Variants in EML4 observed in about 807,000 individuals in gnomAD.
The protein encoded by EML4 is echinoderm microtubule-associated protein-like 4.
In EML4, 72 loss-of-function variants were observed where a neutral mutation model predicts 129.0. The observed-to-expected ratio is 0.56, with a 90% CI of 0.46 to 0.68. The LOEUF is 0.68. Ranked by LOEUF, EML4 falls within the 30% of genes least tolerant of loss-of-function variation. The pLI, the probability that EML4 is intolerant of heterozygous loss-of-function variation, is 0.00. For missense variants in EML4, 1,363 were observed against 1,190.6 expected (o/e 1.14, Z -2.13); for synonymous variants, 532 against 405.0 (o/e 1.31, Z -3.77).
In EML4 at chr2:42,303,235, C is replaced by T. The variant is rs1668393052; in HGVS notation, c.1767+6C>T. On this transcript the variant is annotated splice_donor_region_variant and intron_variant, in intron 15 of 22. Transcript: ENST00000318522. ...GCTTCCAAATAGAAGTACAGGTAAG[C>T]TGTGTGATATTAACCGTTAACTGAA... 6.2e-7 allele frequency: 1 copy of T among 1,614,068 alleles called. No homozygotes were observed. Among genetic ancestry groups the T allele is most frequent in the South Asian group, 1.1e-5 (1 of 91,072 alleles).
intron 1 of EML4, among the ~76,000 whole-genome samples, chr2:42,203,637 C>A (rs1372313090): frequency 1.0e-5 from 1 of 97,620 alleles, no homozygotes; most frequent in Non-Finnish European, 2.1e-5. Flanking sequence ...TTTATAGCCA[C>A]CCCTTTTTTT....
Position 42,329,912 on chromosome 2 carries a change from C to T in EML4, c.2651C>T (p.Ala884Val), listed in dbSNP as rs758964968. ...GTAGCGGATACTACTCTAACCAAAG[C>T]CCCCGTCTCTTCCACTGAAAGTGTC... is the stretch of plus-strand genomic sequence containing the variant. ...ETVADTTLTK[A>V]PVSSTESVIQ... Residue 884 changes from alanine to valine, a missense_variant, in exon 23 of 23, where the codon GCC (alanine) becomes GTC (valine). By Grantham distance (64) the Ala-to-Val change is moderately conservative. Coordinates refer to ENST00000318522, the MANE Select transcript of EML4 (RefSeq NM_019063.5). The T allele has an allele frequency of 2.5e-6, 4 of 1,613,978 alleles. No individual in the cohort carries two copies. Among genetic ancestry groups the T allele is most frequent in the South Asian group, 1.1e-5 (1 of 91,064 alleles).
chr2:42,226,731 A>T (rs1051832412), intron 1 of EML4, among the ~76,000 whole-genome samples: 1 of 152,110 alleles, frequency 6.6e-6, no homozygotes, highest in Admixed American at 6.5e-5. Flanking sequence ...TAGATTTTTA[A>T]ATGTTCTTTC....
At chr2:42,256,295 C>T (rs1383705597) in intron 2 of EML4, among the ~76,000 whole-genome samples, 1 of 152,112 alleles carries the variant, frequency 6.6e-6, no homozygotes, top group East Asian at 1.9e-4. Flanking sequence ...TATGGCTTTC[C>T]TATAGGTCTG....
chr2:42,182,932 C>T (rs929891316), intron 1 of EML4, among the ~76,000 whole-genome samples: 9 of 152,104 alleles, frequency 5.9e-5, no homozygotes, highest in Non-Finnish European at 8.8e-5. Flanking sequence ...ATTTCCTCTT[C>T]TTATAAGGAT....
intron 1 of EML4, among the ~76,000 whole-genome samples, chr2:42,228,286 C>G (rs922020576): frequency 6.6e-6 from 1 of 151,864 alleles, no homozygotes; most frequent in Non-Finnish European, 1.5e-5. Context: ...AAAGAATTCT[C>G]CTCATAGAAA....
At chr2:42,227,713 G>A (rs1674062258) in intron 1 of EML4, among the ~76,000 whole-genome samples, 1 of 152,084 alleles carries the variant, frequency 6.6e-6, no homozygotes, top group African/African-American at 2.4e-5. Flanking sequence ...CTCTGCCTAT[G>A]CAGCATGAAA....
At chr2:42,259,232 G>A (rs1665551797) in intron 3 of EML4, among the ~76,000 whole-genome samples, 1 of 149,918 alleles carries the variant, frequency 6.7e-6, no homozygotes, top group Admixed American at 6.6e-5. Context: ...AGATGACAGA[G>A]CAAGACTTCA....
chr2:42,260,497 C>T (rs1022067182), intron 3 of EML4, among the ~76,000 whole-genome samples: 3 of 152,156 alleles, frequency 2.0e-5, no homozygotes, highest in East Asian at 3.8e-4. Context: ...GTGTCACTCA[C>T]ACTAAATTTA....
intron 1 of EML4, among the ~76,000 whole-genome samples, chr2:42,238,298 A>G (rs1013652097): frequency 1.3e-5 from 2 of 152,234 alleles, no homozygotes; most frequent in Admixed American, 6.5e-5. Flanking sequence ...TCCTCATTTT[A>G]GAGACTTCTC....
intron 17 of EML4, among the ~76,000 whole-genome samples, chr2:42,310,275 C>T (rs1668858817): frequency 6.6e-6 from 1 of 151,556 alleles, no homozygotes; most frequent in African/African-American, 2.4e-5. Flanking sequence ...TTCCTTTCTC[C>T]CCTTCCCCTT....
At chr2:42,276,365 G>T (rs1388909901) in intron 6 of EML4, among the ~76,000 whole-genome samples, 4 of 152,056 alleles carry the variant, frequency 2.6e-5, no homozygotes, top group Non-Finnish European at 5.9e-5. Context: ...TCGCTGAGAT[G>T]GGGTATGGGG....
At chr2:42,316,669 C>T (rs1329987649) in intron 18 of EML4, among the ~76,000 whole-genome samples, 1 of 152,220 alleles carries the variant, frequency 6.6e-6, no homozygotes, top group Non-Finnish European at 1.5e-5. Context: ...TCACACCACT[C>T]TTCCCTGGAG....
intron 1 of EML4, among the ~76,000 whole-genome samples, chr2:42,202,854 C>T (rs528724336): frequency 6.6e-6 from 1 of 152,112 alleles, no homozygotes; most frequent in South Asian, 2.1e-4. Context: ...GTAGCAAGAC[C>T]CCATCTCTAC....
At chr2:42,198,922 G>A (rs1187686614) in intron 1 of EML4, among the ~76,000 whole-genome samples, 1 of 152,188 alleles carries the variant, frequency 6.6e-6, no homozygotes, top group Non-Finnish European at 1.5e-5. Context: ...TGGTATTGGT[G>A]GAGGCAGGAC....
rs1670148047 is a variant in EML4 at position 42,332,356 on chromosome 2, T to A, written c.*2149T>A. On this transcript the variant is annotated 3_prime_UTR_variant, in exon 23 of 23. Coordinates refer to ENST00000318522, the MANE Select transcript of EML4 (RefSeq NM_019063.5). The stretch of plus-strand genomic sequence containing the variant: ...CTGGCAACTACTGTTTAATGGTCAG[T>A]TAAATCTGTGATAATGGTTGGAAGT... 4.8e-6 allele frequency: 1 copy of A among 210,456 alleles called. No individual in the cohort carries two copies. Among genetic ancestry groups the A allele is most frequent in the African/African-American group, 2.3e-5 (1 of 43,964 alleles). The allele number at this position is 210,456 out of a possible 1,614,324, so 13.0% of individuals were successfully genotyped here.
chr2:42,226,910 T>A (rs1471378139), intron 1 of EML4, among the ~76,000 whole-genome samples: 1 of 152,014 alleles, frequency 6.6e-6, no homozygotes, highest in Non-Finnish European at 1.5e-5. Flanking sequence ...GATTAAAAAA[T>A]AAAAGAACTG....
chr2:42,197,125 A>T (rs1671937699), intron 1 of EML4, among the ~76,000 whole-genome samples: 2 of 152,180 alleles, frequency 1.3e-5, no homozygotes, highest in Non-Finnish European at 2.9e-5. Flanking sequence ...GCTGAAGTGC[A>T]GTGGTGCGAT....
chr2:42,314,644 CTTACTT>C (rs1669137828), intron 17 of EML4, among the ~76,000 whole-genome samples: 1 of 152,158 alleles, frequency 6.6e-6, no homozygotes, highest in East Asian at 1.9e-4. Flanking sequence ...ATGTTCAAGA[CTTACTT>C]TTAATGTATT....
Sources: allele counts gnomAD v4.1 joint callset (sites outside exome capture counted in the v4.1 genomes callset), GRCh38; gene constraint gnomAD v4.1.1; transcripts MANE v1.5; gene names NCBI Gene and HGNC (gene_info 2026-07-23, HGNC 2026-07-21).